The following WDR33 variants were observed in gnomAD, a reference collection of about 807,000 sequenced individuals.
WDR33 encodes WD repeat domain 33, also known as pre-mRNA 3' end processing protein WDR33.
WDR33 carries 47 observed loss-of-function variants against 164.9 expected under a neutral mutation model. That is an observed-to-expected ratio of 0.29 (90% CI 0.23 to 0.36). The LOEUF is 0.36. WDR33 is among the 10% of genes least tolerant of loss of function. The probability of loss-of-function intolerance (pLI) is 1.00; values close to 1 mark genes in which losing one functional copy is unlikely to be tolerated. For synonymous variants in WDR33, 505 were observed against 589.0 expected, an observed-to-expected ratio of 0.86 and a Z score of 2.06; for missense variants, 1,137 against 1,754.1, an observed-to-expected ratio of 0.65 and a Z score of 6.28.
rs769315224 is a variant in WDR33 at position 127,717,112 on chromosome 2, G to T, written c.2869+43C>A. ...TTATTCACTGTAAAATGTGCACAAA[G>T]GTGGTAGAATATAATCTTTTATTCA... On this transcript the variant is annotated intron_variant, in intron 17 of 21. Coordinates refer to ENST00000322313, the MANE Select transcript of WDR33 (RefSeq NM_018383.5). The surrounding 1 kb of genome is among the most constrained non-coding windows in gnomAD (Gnocchi z 5.6). 2.0e-6 allele frequency: 3 copies of T among 1,537,402 alleles called. No individual in the cohort carries two copies. In the South Asian group the frequency reaches 3.6e-5, roughly 18 times the overall value.
At chr2:127,809,670 A>T (rs953275965) in intron 1 of WDR33, among the ~76,000 whole-genome samples, 2 of 152,114 alleles carry the variant, frequency 1.3e-5, no homozygotes, top group Admixed American at 6.6e-5. Context: ...TCCTGACCTC[A>T]GGTGATCCGC....
chr2:127,737,982 A>G, intron 7 of WDR33: 1 of 1,610,430 alleles, frequency 6.2e-7, no homozygotes, highest in Non-Finnish European at 8.5e-7. Context: ...GTGGCTCCCT[A>G]AACTTTGTCC....
At chr2:127,737,290 A>G (rs1686873269) in intron 7 of WDR33, 2 of 985,316 alleles carry the variant, frequency 2.0e-6, no homozygotes, top group African/African-American at 1.7e-5. Context: ...GGGAGATACC[A>G]GTGTCCCACA....
Position 127,709,425 on chromosome 2 carries a change from G to A in WDR33, c.3565+65C>T, listed in dbSNP as rs1309258392. 20 of 1,512,968 alleles carry A rather than the reference G, an allele frequency of 1.3e-5. No homozygotes were observed. The highest frequency in any genetic ancestry group is 2.3e-5 in the East Asian group (1 of 43,928). 93.7% of individuals were successfully genotyped at this position (1,512,968 alleles called of 1,614,324 possible). On this transcript the variant is annotated intron_variant, in intron 20 of 21. Transcript: ENST00000322313. The surrounding 1 kb of genome is among the most constrained non-coding windows in gnomAD (Gnocchi z 5.0). Reference sequence around the variant, plus strand: ...AGGAGACCCGGTGCACCCCAGAGAGGGCCCTCAGAACTCACTTTGTGAACT... The same window carrying A: ...AGGAGACCCGGTGCACCCCAGAGAGAGCCCTCAGAACTCACTTTGTGAACT...
At position 127,709,986 on chromosome 2, in the gene WDR33, A is replaced by G. The variant is rs1186231512; in HGVS notation, c.3309-130T>C. ...ATTGGGAGGAAAACAAAATAAAACTATATATTTTTGAAAGGATACATTATA... is the reference window on the plus strand; with the variant it reads ...ATTGGGAGGAAAACAAAATAAAACTGTATATTTTTGAAAGGATACATTATA... On this transcript the variant is annotated intron_variant, in intron 18 of 21. Transcript: ENST00000322313. This position sits in a 1 kb window ranked among gnomAD's most constrained non-coding sequence, Gnocchi z 5.0. The G allele has an allele frequency of 1.6e-6, 2 of 1,227,512 alleles. No individual in the cohort carries two copies. The highest frequency in any genetic ancestry group is 1.5e-5 in the South Asian group (1 of 65,722). The allele number at this position is 1,227,512 out of a possible 1,614,324, so 76.0% of individuals were successfully genotyped here. A position where few individuals can be genotyped will look rare whatever the true frequency, so the allele number is the denominator to read the frequency against.
rs770550267 is a variant in WDR33, at chr2:127,709,739, C to T, written c.3426G>A (p.Ala1142=). ...GACCTCTGAGATCTCGTCCTCGGGC[C>T]GCTTCCTCAGAAGCATCAAAATTCT... ...PEENFDASEE[A]ARGRDLRGRG... Residue 1142 remains alanine (A), a synonymous_variant, in exon 19 of 22, where the codon GCG becomes GCA. Coordinates refer to ENST00000322313, the MANE Select transcript of WDR33 (RefSeq NM_018383.5). This position sits in a 1 kb window ranked among gnomAD's most constrained non-coding sequence, Gnocchi z 5.0. The T allele has an allele frequency of 1.5e-5, 25 of 1,614,106 alleles. No individual in the cohort carries two copies. Among genetic ancestry groups the T allele is most frequent in the East Asian group, 1.1e-4 (5 of 44,898 alleles).
At chr2:127,711,073 ACT>A (rs2105372198) in intron 18 of WDR33, among the ~76,000 whole-genome samples, 1 of 152,142 alleles carries the variant, frequency 6.6e-6, no homozygotes, top group African/African-American at 2.4e-5. Flanking sequence ...ATACCTTTAC[ACT>A]CTCACACACC....
rs758294164 is a variant in WDR33, at chr2:127,738,797, C to A, written c.725-12020G>T. Among the ~76,000 whole-genome samples the A allele has an allele frequency of 1.3e-5, 2 of 152,180 alleles. No homozygotes were observed. The highest frequency in any genetic ancestry group is 2.9e-5 in the Non-Finnish European group (2 of 68,038). On this transcript the variant is annotated intron_variant, in intron 7 of 21. Transcript: ENST00000322313. The surrounding 1 kb of genome is among the most constrained non-coding windows in gnomAD (Gnocchi z 4.4). Reference sequence around the variant, plus strand: ...AGAGAGTGGGGCTACTCAGGGCACACTGCCTATGGGTTAGTCCTGCCCCGC... The same window carrying A: ...AGAGAGTGGGGCTACTCAGGGCACAATGCCTATGGGTTAGTCCTGCCCCGC...
At chr2:127,760,823 C>T (rs1227873875) in intron 7 of WDR33, among the ~76,000 whole-genome samples, 4 of 152,044 alleles carry the variant, frequency 2.6e-5, no homozygotes, top group Non-Finnish European at 5.9e-5. Flanking sequence ...AATGTAAACC[C>T]TAAAAGTACC....
At chr2:127,782,881 C>A (rs988441916) in intron 1 of WDR33, among the ~76,000 whole-genome samples, 1 of 152,036 alleles carries the variant, frequency 6.6e-6, no homozygotes, top group Non-Finnish European at 1.5e-5. Flanking sequence ...TGGTGGCAGG[C>A]GCCTGTAGTC....
At position 127,713,516 on chromosome 2, in the gene WDR33, C is replaced by T. The variant is rs1309115738; in HGVS notation, c.3308+67G>A. The stretch of plus-strand genomic sequence containing the variant: ...TCCTCAAGAAAAAGAAGAAAGAGAC[C>T]TTTGTGGAGACAGCAGATAAAAAGC... On this transcript the variant is annotated intron_variant, in intron 18 of 21. Transcript: ENST00000322313. This position sits in a 1 kb window ranked among gnomAD's most constrained non-coding sequence, Gnocchi z 6.2. 11 of 1,542,634 alleles carry T rather than the reference C, an allele frequency of 7.1e-6. No individual in the cohort carries two copies. The highest frequency in any genetic ancestry group is 8.0e-6 in the Non-Finnish European group (9 of 1,131,198).
Position 127,763,303 on chromosome 2 carries a change from T to C in WDR33, c.627-144A>G, listed in dbSNP as rs1573927964. 2 of 1,461,750 alleles carry C rather than the reference T, an allele frequency of 1.4e-6. No individual in the cohort carries two copies. The highest frequency in any genetic ancestry group is 5.0e-5 in the East Asian group (2 of 39,876). 90.5% of individuals were successfully genotyped at this position (1,461,750 alleles called of 1,614,324 possible). ...CCAGTGAAGAAGCCCTTAAAGTGAATGTCGTCAGCTAACATAGGCATCTCA... is the reference window on the plus strand; with the variant it reads ...CCAGTGAAGAAGCCCTTAAAGTGAACGTCGTCAGCTAACATAGGCATCTCA... On this transcript the variant is annotated intron_variant, in intron 6 of 21. Coordinates refer to ENST00000322313, the MANE Select transcript of WDR33 (RefSeq NM_018383.5). The surrounding 1 kb of genome is among the most constrained non-coding windows in gnomAD (Gnocchi z 4.5).
rs1478226228 is a variant in WDR33 at position 127,705,868 on chromosome 2, G to A, written c.*455C>T. On this transcript the variant is annotated 3_prime_UTR_variant, in exon 22 of 22. Transcript: ENST00000322313. This position sits in a 1 kb window ranked among gnomAD's most constrained non-coding sequence, Gnocchi z 4.5. The stretch of plus-strand genomic sequence containing the variant: ...CCGTGCATTCCTTGGCAGATGGGAT[G>A]CGATGGAAACCAAAGGTTTCCTTAA... The A allele has an allele frequency of 6.4e-6, 1 of 156,448 alleles. No homozygotes were observed. Among genetic ancestry groups the A allele is most frequent in the Non-Finnish European group, 1.4e-5 (1 of 71,016 alleles). The allele number at this position is 156,448 out of a possible 1,614,324, so 9.7% of individuals were successfully genotyped here.
Position 127,764,335 on chromosome 2 carries a change from T to C in WDR33, c.626+493A>G. On this transcript the variant is annotated intron_variant, in intron 6 of 21. Transcript: ENST00000322313. This position sits in a 1 kb window ranked among gnomAD's most constrained non-coding sequence, Gnocchi z 6.2. The stretch of plus-strand genomic sequence containing the variant: ...AATGTTTGCCACATCCAGTTATCTG[T>C]GAGGGTTTTAGTCCTATACTTTCCT... 1 of 1,370,682 alleles carries C rather than the reference T, an allele frequency of 7.3e-7. No homozygotes were observed. The allele number at this position is 1,370,682 out of a possible 1,614,324, so 84.9% of individuals were successfully genotyped here.
Position 127,720,017 on chromosome 2 carries a change from C to T in WDR33, c.2008G>A (p.Asp670Asn). 1.2e-6 allele frequency: 2 copies of T among 1,613,770 alleles called. No homozygotes were observed. Among genetic ancestry groups the T allele is most frequent in the Non-Finnish European group, 1.7e-6 (2 of 1,179,888 alleles). Residue 670 changes from aspartate to asparagine, a missense_variant, in exon 16 of 22, where the codon GAC (aspartate) becomes AAC (asparagine). Transcript: ENST00000322313. This position sits in a 1 kb window ranked among gnomAD's most constrained non-coding sequence, Gnocchi z 5.9. The part of the protein sequence containing the change: ...GPPQGLPRPQ[D>N]MHGPQGMQRH... Reference sequence around the variant, plus strand: ...TGCATTCCTTGGGGCCCATGCATGTCCTGAGGCCGTGGCAACCCCTGGGGC... The same window carrying T: ...TGCATTCCTTGGGGCCCATGCATGTTCTGAGGCCGTGGCAACCCCTGGGGC...
chr2:127,709,424 G>C lies in WDR33; in HGVS notation c.3565+66C>G. 6.6e-7 allele frequency: 1 copy of C among 1,508,184 alleles called. No homozygotes were observed. The allele number at this position is 1,508,184 out of a possible 1,614,324, so 93.4% of individuals were successfully genotyped here. A position where few individuals can be genotyped will look rare whatever the true frequency, so the allele number is the denominator to read the frequency against. On this transcript the variant is annotated intron_variant, in intron 20 of 21. Transcript: ENST00000322313. This position sits in a 1 kb window ranked among gnomAD's most constrained non-coding sequence, Gnocchi z 5.0. ...GAGGAGACCCGGTGCACCCCAGAGA[G>C]GGCCCTCAGAACTCACTTTGTGAAC... is the stretch of plus-strand genomic sequence containing the variant.
In WDR33 at chr2:127,771,016, A is replaced by C. The variant is rs573084191; in HGVS notation, c.-23-12T>G. 2 of 1,599,304 alleles carry C rather than the reference A, an allele frequency of 1.3e-6. No homozygotes were observed. Among genetic ancestry groups the C allele is most frequent in the South Asian group, 2.2e-5 (2 of 89,796 alleles). ...TTCCTTCTAGGATACTAGGATAAGG[A>C]AAAAGTACTTTCACTACAAATATCA... On this transcript the variant is annotated splice_polypyrimidine_tract_variant and intron_variant, in intron 1 of 21. Transcript: ENST00000322313.
chr2:127,765,912 A>C (rs1000834524), intron 4 of WDR33, among the ~76,000 whole-genome samples: 1 of 152,150 alleles, frequency 6.6e-6, no homozygotes, highest in Non-Finnish European at 1.5e-5. Context: ...ACACTACACC[A>C]AAAGTTTTAA....
intron 3 of WDR33, 35 bp from the exon 4 acceptor site, chr2:127,768,328 T>G (rs1032344558): frequency 7.5e-7 from 1 of 1,338,040 alleles, no homozygotes; most frequent in Non-Finnish European, 1.0e-6. Flanking sequence ...TTAGAGCTCC[T>G]GATTACATAC....
Sources: allele counts gnomAD v4.1 joint callset (sites outside exome capture counted in the v4.1 genomes callset), GRCh38; gene constraint gnomAD v4.1.1; non-coding constraint Gnocchi (gnomAD v3.1); transcripts MANE v1.5; gene names NCBI Gene and HGNC (gene_info 2026-07-23, HGNC 2026-07-21).